ACTR3C: variants seen among roughly 807,000 people sequenced by gnomAD.
The protein encoded by ACTR3C is actin-related protein 3C.
A neutral mutation model predicts 26.3 loss-of-function variants in ACTR3C; 18 were observed. The observed-to-expected ratio is 0.68, with a 90% CI of 0.47 to 1.01. The LOEUF (loss-of-function observed/expected upper bound fraction) is 1.01. Ranked by LOEUF, ACTR3C falls within the 50% of genes least tolerant of loss-of-function variation. The probability of loss-of-function intolerance (pLI) is 0.00; values close to 1 mark genes in which losing one functional copy is unlikely to be tolerated. For missense variants in ACTR3C, 184 were observed against 250.7 expected, an observed-to-expected ratio of 0.73 and a Z score of 1.80; for synonymous variants, 55 against 94.5, an observed-to-expected ratio of 0.58 and a Z score of 2.42.
At chr7:149,923,000 A>G in the ACTR3C span, among the ~76,000 whole-genome samples, 3 of 60,110 alleles carry the variant, frequency 5.0e-5, no homozygotes, top group East Asian at 5.8e-4. Context: ...TTTTTTACAA[A>G]TCAGATGCTG....
At chr7:150,236,582 G>A in the ACTR3C span, among the ~76,000 whole-genome samples, 3 of 152,146 alleles carry the variant, frequency 2.0e-5, no homozygotes, top group Admixed American at 2.0e-4. Flanking sequence ...TGGAATTTTG[G>A]TTGCTTTGGC....
the ACTR3C span, among the ~76,000 whole-genome samples, chr7:150,060,587 A>G: frequency 1.3e-5 from 2 of 152,184 alleles, no homozygotes; most frequent in African/African-American, 4.8e-5. Context: ...GCAGCCGAAC[A>G]AACAACAGCA....
At chr7:150,150,408 T>C in the ACTR3C span, among the ~76,000 whole-genome samples, 1 of 152,132 alleles carries the variant, frequency 6.6e-6, no homozygotes, top group African/African-American at 2.4e-5. Context: ...GAGAGAGGCT[T>C]GGTAAGAGTT....
chr7:150,128,309 T>C, the ACTR3C span, among the ~76,000 whole-genome samples: 3,026 of 142,550 alleles, frequency 0.021, 54 homozygotes, highest in Admixed American at 0.056. Context: ...TTGCTTCAGT[T>C]TGTAAATACT....
chr7:149,994,844 C>CTTTT, the ACTR3C span, among the ~76,000 whole-genome samples: 8 of 112,432 alleles, frequency 7.1e-5, no homozygotes, highest in Admixed American at 9.9e-5. Flanking sequence ...TGTTAACATT[C>CTTTT]TTTTTTTTTT....
rs1306268869 is a variant in ACTR3C at position 150,274,322 on chromosome 7, G to A, written c.564+10431C>T. Among the ~76,000 whole-genome samples the A allele has an allele frequency of 6.6e-6, 1 of 152,146 alleles. No individual in the cohort carries two copies. The highest frequency in any genetic ancestry group is 1.9e-4 in the East Asian group (1 of 5,192). On this transcript the variant is annotated intron_variant, in intron 6 of 7. Coordinates refer to ENST00000683684, the MANE Select transcript of ACTR3C (RefSeq NM_001164458.2). The surrounding 1 kb of genome is among the most constrained non-coding windows in gnomAD (Gnocchi z 4.1). ...TTTCCCAAAAGCACACGCTCACTTCGTGTCTCTGTATCAGCATATTTTAGC... is the reference window on the plus strand; with the variant it reads ...TTTCCCAAAAGCACACGCTCACTTCATGTCTCTGTATCAGCATATTTTAGC...
chr7:150,300,988 C>T (rs1407977978), intron 1 of ACTR3C, among the ~76,000 whole-genome samples: 1 of 152,232 alleles, frequency 6.6e-6, no homozygotes, highest in Non-Finnish European at 1.5e-5. Context: ...TACCTCCTAT[C>T]GATCTGAAAA....
At chr7:149,972,827 C>A in the ACTR3C span, among the ~76,000 whole-genome samples, 1 of 152,146 alleles carries the variant, frequency 6.6e-6, no homozygotes, top group Non-Finnish European at 1.5e-5. Flanking sequence ...GCAGACAGCA[C>A]ATCTGTCCCC....
chr7:149,931,657 C>T, the ACTR3C span, among the ~76,000 whole-genome samples: 2,034 of 152,198 alleles, frequency 0.013, 44 homozygotes, highest in African/African-American at 0.045. Context: ...AGTTTAATAA[C>T]GCTGTAATTA....
the ACTR3C span, among the ~76,000 whole-genome samples, chr7:149,931,150 G>C: frequency 1.3e-5 from 2 of 152,264 alleles, no homozygotes; most frequent in Non-Finnish European, 1.5e-5. Flanking sequence ...ATAGGCATGA[G>C]CCACTGAGCC....
the ACTR3C span, among the ~76,000 whole-genome samples, chr7:150,010,751 G>T: frequency 6.7e-6 from 1 of 149,048 alleles, no homozygotes; most frequent in African/African-American, 2.5e-5. Flanking sequence ...TATATCTGCA[G>T]AACTGTGCCT....
At chr7:150,163,732 GAGA>G in the ACTR3C span, among the ~76,000 whole-genome samples, 1 of 152,040 alleles carries the variant, frequency 6.6e-6, no homozygotes, top group Non-Finnish European at 1.5e-5. Flanking sequence ...CCAAGGGCCA[GAGA>G]AGATGACGTG....
chr7:150,093,500 G>A, the ACTR3C span, among the ~76,000 whole-genome samples: 2 of 151,054 alleles, frequency 1.3e-5, no homozygotes, highest in Admixed American at 6.6e-5. Flanking sequence ...AAATGTTAAT[G>A]GTGTTTCCTC....
chr7:150,040,052 C>T, the ACTR3C span, among the ~76,000 whole-genome samples: 55 of 135,158 alleles, frequency 4.1e-4, 3 homozygotes, highest in African/African-American at 8.5e-4. Flanking sequence ...CCCCGCCTCG[C>T]GGGGGGTGCC....
intron 6 of ACTR3C, among the ~76,000 whole-genome samples, chr7:150,256,122 T>C (rs1833206620): frequency 6.6e-6 from 1 of 152,216 alleles, no homozygotes; most frequent in Non-Finnish European, 1.5e-5. Context: ...TTTATGACAG[T>C]GTAGTATTCC....
the ACTR3C span, among the ~76,000 whole-genome samples, chr7:150,068,870 T>G: frequency 6.6e-6 from 1 of 151,718 alleles, no homozygotes; most frequent in Non-Finnish European, 1.5e-5. Flanking sequence ...AATGCAAATT[T>G]GATAATTTAC....
the ACTR3C span, among the ~76,000 whole-genome samples, chr7:150,068,782 C>CCAAA: frequency 1.3e-5 from 1 of 76,754 alleles, no homozygotes; most frequent in South Asian, 5.0e-4. Context: ...GACTCCGTCC[C>CCAAA]AAAAAAAAAA....
At chr7:150,098,673 C>A in the ACTR3C span, among the ~76,000 whole-genome samples, 4 of 151,776 alleles carry the variant, frequency 2.6e-5, no homozygotes, top group Admixed American at 1.3e-4. Flanking sequence ...AGTTCAAATA[C>A]GTAAATGGTA....
At chr7:150,168,894 A>G in the ACTR3C span, among the ~76,000 whole-genome samples, 1 of 150,770 alleles carries the variant, frequency 6.6e-6, no homozygotes, top group Non-Finnish European at 1.5e-5. Flanking sequence ...GGGAAAGCCA[A>G]AGAACCAACA....
Sources: gnomAD v4.1 joint callset for allele counts (sites outside exome capture counted in the v4.1 genomes callset) on GRCh38, gnomAD v4.1.1 for gene constraint, Gnocchi (gnomAD v3.1) non-coding constraint, MANE v1.5 for transcripts, NCBI Gene and HGNC (gene_info 2026-07-23, HGNC 2026-07-21) for gene names.